The following SLC30A8 variants were observed in gnomAD, a reference collection of about 807,000 sequenced individuals.
The protein encoded by SLC30A8 is solute carrier family 30 member 8, also known as proton-coupled zinc antiporter SLC30A8.
SLC30A8 carries 27 observed loss-of-function variants against 36.9 expected under a neutral mutation model. The ratio of observed to expected loss-of-function variants is 0.73; its 90% confidence interval spans 0.54 to 1.01. The LOEUF (loss-of-function observed/expected upper bound fraction) is 1.01, where lower values mean the gene tolerates loss of function less well. Ranked by LOEUF, SLC30A8 falls within the 50% of genes least tolerant of loss-of-function variation. The pLI is 0.00. For synonymous variants in SLC30A8, 164 were observed against 172.4 expected (o/e 0.95, Z 0.38); for missense variants, 439 against 452.0 (o/e 0.97, Z 0.26).
intron 1 of SLC30A8, among the ~76,000 whole-genome samples, chr8:116,982,926 A>G (rs985759272): frequency 3.7e-4 from 57 of 152,270 alleles, no homozygotes; most frequent in African/African-American, 1.3e-3. Flanking sequence ...ATTTGTCACT[A>G]TCAGGGCCAC....
chr8:116,957,068 G>T (rs1056086980), intron 1 of SLC30A8, among the ~76,000 whole-genome samples: 3 of 152,050 alleles, frequency 2.0e-5, no homozygotes, highest in African/African-American at 7.3e-5. Context: ...AATTAAGAAA[G>T]ACCCTGTCAG....
At chr8:116,966,481 A>T (rs911575777) in intron 1 of SLC30A8, among the ~76,000 whole-genome samples, 1 of 152,114 alleles carries the variant, frequency 6.6e-6, no homozygotes, top group Non-Finnish European at 1.5e-5. Context: ...ATGAGGCCAT[A>T]ATCCTATAAA....
intron 2 of SLC30A8, among the ~76,000 whole-genome samples, chr8:117,091,780 A>G (rs1477723801): frequency 6.6e-6 from 1 of 152,218 alleles, no homozygotes; most frequent in African/African-American, 2.4e-5. Flanking sequence ...CTCATAAGGT[A>G]AGAAAATGAA....
intron 2 of SLC30A8, among the ~76,000 whole-genome samples, chr8:117,059,519 T>C (rs1817967798): frequency 6.6e-6 from 1 of 152,162 alleles, no homozygotes; most frequent in Admixed American, 6.5e-5. Context: ...GGTCTTATCT[T>C]AGGCAACCCT....
intron 1 of SLC30A8, among the ~76,000 whole-genome samples, chr8:117,011,275 C>G (rs1352075193): frequency 1.3e-5 from 2 of 152,106 alleles, no homozygotes; most frequent in South Asian, 4.1e-4. Flanking sequence ...TCTTTTTGAC[C>G]AGGTGGTTTT....
intron 2 of SLC30A8, among the ~76,000 whole-genome samples, chr8:117,042,061 A>C (rs535313136): frequency 2.6e-5 from 4 of 152,342 alleles, no homozygotes; most frequent in African/African-American, 9.6e-5. Flanking sequence ...TATGGACAGA[A>C]ATTTAAAGCC....
chr8:117,161,701 A>C (rs1444381537), intron 4 of SLC30A8, 37 bp from the exon 5 acceptor site: 2 of 1,577,494 alleles, frequency 1.3e-6, no homozygotes, highest in Non-Finnish European at 1.7e-6. Flanking sequence ...TTTAAGACTG[A>C]CCTCATGTGT....
At chr8:117,050,951 C>T (rs974987486) in intron 2 of SLC30A8, among the ~76,000 whole-genome samples, 3 of 152,148 alleles carry the variant, frequency 2.0e-5, no homozygotes, top group East Asian at 1.9e-4. Flanking sequence ...CTCTCTTCTG[C>T]GAAATGGAGC....
At chr8:117,109,696 G>C (rs140650048) in intron 2 of SLC30A8, among the ~76,000 whole-genome samples, 3 of 152,174 alleles carry the variant, frequency 2.0e-5, no homozygotes, top group Non-Finnish European at 4.4e-5. Context: ...CGGTATTTAC[G>C]TCTGTTGAAG....
chr8:117,050,501 G>A (rs1194779374), intron 2 of SLC30A8, among the ~76,000 whole-genome samples: 1 of 151,742 alleles, frequency 6.6e-6, no homozygotes, highest in East Asian at 1.9e-4. Flanking sequence ...TGCCTCCTGA[G>A]TTCAAGTGAT....
At chr8:117,016,464 A>G (rs143767091) in intron 1 of SLC30A8, among the ~76,000 whole-genome samples, 4 of 152,308 alleles carry the variant, frequency 2.6e-5, no homozygotes, top group Non-Finnish European at 5.9e-5. Context: ...CAAGGCAGCT[A>G]TCAACTCCAG....
chr8:117,058,784 C>T (rs1817944835), intron 2 of SLC30A8, among the ~76,000 whole-genome samples: 1 of 152,136 alleles, frequency 6.6e-6, no homozygotes, highest in Admixed American at 6.6e-5. Flanking sequence ...TTGGTGTCCA[C>T]ACACAACTTT....
At chr8:117,045,810 C>A (rs1017084133) in intron 2 of SLC30A8, among the ~76,000 whole-genome samples, 2 of 152,198 alleles carry the variant, frequency 1.3e-5, no homozygotes, top group Admixed American at 1.3e-4. Flanking sequence ...TAACGTGAAT[C>A]TGAACTTACC....
intron 2 of SLC30A8, among the ~76,000 whole-genome samples, chr8:117,045,847 C>G (rs1027756377): frequency 6.6e-6 from 1 of 152,074 alleles, no homozygotes; most frequent in Non-Finnish European, 1.5e-5. Flanking sequence ...CCGATGGCCC[C>G]GCGGATCTCT....
chr8:117,030,845 C>T (rs375181193), intron 1 of SLC30A8, among the ~76,000 whole-genome samples: 3 of 152,108 alleles, frequency 2.0e-5, no homozygotes, highest in Admixed American at 6.6e-5. Flanking sequence ...CACACTTGAC[C>T]TTTATTCAGG....
chr8:117,130,465 A>C (rs1039773395), upstream of SLC30A8, among the ~76,000 whole-genome samples: 13 of 151,980 alleles, frequency 8.6e-5, no homozygotes, highest in Admixed American at 2.6e-4. Flanking sequence ...GAAGGAAAAT[A>C]AACAGTGCTC....
intron 2 of SLC30A8, 70 bp from the exon 3 acceptor site, chr8:117,152,874 T>C: frequency 7.9e-7 from 1 of 1,266,534 alleles, no homozygotes; most frequent in Non-Finnish European, 1.0e-6. Flanking sequence ...TCACCCATGA[T>C]GGTTAGCATG....
At chr8:117,041,090 CCAAA>C (rs1407591116) in intron 2 of SLC30A8, among the ~76,000 whole-genome samples, 4 of 152,302 alleles carry the variant, frequency 2.6e-5, no homozygotes, top group Non-Finnish European at 5.9e-5. Context: ...CGGTGCCAAA[CCAAA>C]CAGTTTGCCA....
intron 2 of SLC30A8, among the ~76,000 whole-genome samples, chr8:117,053,857 A>G (rs962056708): frequency 1.3e-5 from 2 of 152,204 alleles, no homozygotes; most frequent in Non-Finnish European, 2.9e-5. Flanking sequence ...TCCTTCCTAT[A>G]ACTTAGAGAA....
Sources: allele counts gnomAD v4.1 joint callset (sites outside exome capture counted in the v4.1 genomes callset), GRCh38; gene constraint gnomAD v4.1.1; transcripts MANE v1.5; gene names NCBI Gene and HGNC (gene_info 2026-07-23, HGNC 2026-07-21).